CMTM2: variants seen among roughly 807,000 people sequenced by gnomAD.
The protein encoded by CMTM2 is CKLF-like MARVEL transmembrane domain-containing protein 2.
Under a neutral mutation model 16.8 loss-of-function variants are expected in CMTM2, and 15 were observed. That is an observed-to-expected ratio of 0.89 (90% confidence interval 0.60 to 1.37). CMTM2 has a LOEUF of 1.37. Among genes scored for constraint, CMTM2 ranks in the 40% most tolerant of loss-of-function variants. CMTM2 has a pLI of 0.00. For missense variants in CMTM2, 282 were observed against 318.0 expected, an observed-to-expected ratio of 0.89 and a Z score of 0.86; for synonymous variants, 117 against 118.7, an observed-to-expected ratio of 0.99 and a Z score of 0.09.
intron 2 of CMTM2, among the ~76,000 whole-genome samples, chr16:66,582,415 G>A (rs2014745995): frequency 6.6e-6 from 1 of 152,176 alleles, no homozygotes. Context: ...ATCAGTGGTT[G>A]TTGGGCTGGG....
chr16:66,579,512 G>A lies in CMTM2; in HGVS notation c.-96G>A. The A allele has an allele frequency of 6.7e-7, 1 of 1,494,040 alleles. No homozygotes were observed. Among genetic ancestry groups the A allele is most frequent in the African/African-American group, 1.4e-5 (1 of 72,042 alleles). 92.5% of individuals were successfully genotyped at this position (1,494,040 alleles called of 1,614,324 possible). On this transcript the variant is annotated 5_prime_UTR_variant, in exon 1 of 4. Coordinates refer to ENST00000268595, the MANE Select transcript of CMTM2 (RefSeq NM_144673.3). The surrounding 1 kb of genome is among the most constrained non-coding windows in gnomAD (Gnocchi z 6.5). ...GAGCACGCCCTCTGAGCCGCTCGGT[G>A]GACACCAGGCACTCTAGTAGGCCTG...
chr16:66,579,632 G>A lies in CMTM2; in HGVS notation c.25G>A (p.Ala9Thr), dbSNP rs757983632. 11 of 1,613,978 alleles carry A rather than the reference G, an allele frequency of 6.8e-6. No individual in the cohort carries two copies. The African/African-American group carries it at 1.1e-4, about 16-fold the overall frequency. ...CATGGCACCTAAGGCGGCAAAGGGGGCCAAGCCAGAGCCAGCACCAGCTCC... is the reference window on the plus strand; with the variant it reads ...CATGGCACCTAAGGCGGCAAAGGGGACCAAGCCAGAGCCAGCACCAGCTCC... MAPKAAKG[A>T]KPEPAPAPPP... Residue 9 changes from alanine to threonine, a missense_variant, in exon 1 of 4, where the codon GCC (alanine) becomes ACC (threonine). Ala to Thr is a moderately conservative substitution (Grantham distance 58). Transcript: ENST00000268595. This position sits in a 1 kb window ranked among gnomAD's most constrained non-coding sequence, Gnocchi z 6.5.
rs1013528492 is a variant in CMTM2, at chr16:66,580,158, A to G, written c.418A>G (p.Ile140Val). The G allele has an allele frequency of 1.2e-6, 2 of 1,614,186 alleles. No individual in the cohort carries two copies. Among genetic ancestry groups the G allele is most frequent in the South Asian group, 1.1e-5 (1 of 91,078 alleles). Residue 140 changes from isoleucine (I) to valine (V), a missense_variant, in exon 2 of 4, where the codon ATA becomes GTA. Ile to Val is a conservative substitution (Grantham distance 29). Coordinates refer to ENST00000268595, the MANE Select transcript of CMTM2 (RefSeq NM_144673.3). ...GTACAGCTTTGCCATTCATAGATAC[A>G]TACCCTTCATCCTGTGGCCCATTTC... ...LLYSFAIHRY[I>V]PFILWPISDL...
chr16:66,587,231 G>T (rs1453780940), intron 3 of CMTM2, 133 bp downstream of exon 3: 4 of 744,300 alleles, frequency 5.4e-6, no homozygotes, highest in Non-Finnish European at 9.1e-6. Flanking sequence ...AAGTTTAAAA[G>T]TTAAGTAGGC....
At chr16:66,587,295 C>T (rs926523685) in intron 3 of CMTM2, among the ~76,000 whole-genome samples, 197 bp downstream of exon 3, 1 of 152,008 alleles carries the variant, frequency 6.6e-6, no homozygotes, top group East Asian at 1.9e-4. Context: ...CCGAGGCGGG[C>T]GGATCACCTG....
intron 2 of CMTM2, among the ~76,000 whole-genome samples, chr16:66,586,059 G>A (rs1342865217): frequency 2.0e-5 from 3 of 152,146 alleles, no homozygotes; most frequent in Non-Finnish European, 4.4e-5. Flanking sequence ...AGGGAAATGC[G>A]TATATGGTAT....
chr16:66,582,963 T>C (rs1397128089), intron 2 of CMTM2, among the ~76,000 whole-genome samples: 1 of 152,220 alleles, frequency 6.6e-6, no homozygotes, highest in Non-Finnish European at 1.5e-5. Context: ...AGCATTTCCT[T>C]AGAGATGCTT....
intron 2 of CMTM2, among the ~76,000 whole-genome samples, chr16:66,586,484 A>C (rs183377104): frequency 6.6e-6 from 1 of 151,986 alleles, no homozygotes; most frequent in Non-Finnish European, 1.5e-5. Flanking sequence ...CTAAAAATAC[A>C]CACAAAAAAA....
At chr16:66,586,940 T>C in intron 2 of CMTM2, 57 bp from the exon 3 acceptor site, 1 of 1,192,584 alleles carries the variant, frequency 8.4e-7, no homozygotes, top group Non-Finnish European at 1.3e-6. Flanking sequence ...CAGGGTGCAG[T>C]GTTTGTTGAT....
In CMTM2 at chr16:66,588,130, GCTCCTGGTGT is replaced by G. The variant is rs1597193481; in HGVS notation, c.*14_*23del. ...AAGGGAAAGAAATGACTTGGAGGAG[GCTCCTGGTGT>G]CTGAAACGGCAGTGTATTTTACAGC... On this transcript the variant is annotated 3_prime_UTR_variant, in exon 4 of 4. Transcript: ENST00000268595. The G allele has an allele frequency of 1.9e-6, 3 of 1,611,502 alleles. No individual in the cohort carries two copies. The highest frequency in any genetic ancestry group is 1.7e-6 in the Non-Finnish European group (2 of 1,179,432).
intron 2 of CMTM2, among the ~76,000 whole-genome samples, chr16:66,583,197 AT>A (rs2014754403): frequency 2.0e-5 from 3 of 152,114 alleles, no homozygotes; most frequent in Admixed American, 1.3e-4. Flanking sequence ...AATGAGAAAC[AT>A]AGGATTTTTT....
At chr16:66,584,620 G>T (rs1399679172) in intron 2 of CMTM2, among the ~76,000 whole-genome samples, 3 of 152,102 alleles carry the variant, frequency 2.0e-5, no homozygotes, top group African/African-American at 4.8e-5. Flanking sequence ...CTAATACAGG[G>T]ATAGAAAAGA....
Position 66,587,036 on chromosome 16 carries a change from G to T in CMTM2, c.484G>T (p.Gly162Ter). 1 of 1,614,124 alleles carries T rather than the reference G, an allele frequency of 6.2e-7. No individual in the cohort carries two copies. The highest frequency in any genetic ancestry group is 1.7e-4 in the Middle Eastern group (1 of 6,060). The part of the protein sequence containing the change: ...NDLIACAFLV[G>*]AVVFAVRSRR... ...CCTGATTGCTTGTGCGTTCCTTGTG[G>T]GAGCCGTGGTCTTTGCTGTGAGAAG... is the stretch of plus-strand genomic sequence containing the variant. Residue 162 changes from glycine (G) to a stop codon, truncating the protein, a stop_gained, in exon 3 of 4, where the codon GGA (glycine) becomes TGA (stop). Coordinates refer to ENST00000268595, the MANE Select transcript of CMTM2 (RefSeq NM_144673.3). LOFTEE classifies it high-confidence loss of function.
At position 66,579,923 on chromosome 16, in the gene CMTM2, G is replaced by A. The variant is rs766689376; in HGVS notation, c.285+31G>A. On this transcript the variant is annotated intron_variant, in intron 1 of 3. Coordinates refer to ENST00000268595, the MANE Select transcript of CMTM2 (RefSeq NM_144673.3). The surrounding 1 kb of genome is among the most constrained non-coding windows in gnomAD (Gnocchi z 6.5). ...CTAAACTGGTATCCCTGGGTGGGGG[G>A]CCTTGGCCGAGGGTGGGGGGAAGGA... 3.1e-6 allele frequency: 5 copies of A among 1,602,872 alleles called. No individual in the cohort carries two copies. Among genetic ancestry groups the A allele is most frequent in the East Asian group, 4.5e-5 (2 of 44,766 alleles).
At chr16:66,587,864 A>G in intron 3 of CMTM2, 55 bp from the exon 4 acceptor site, 3 of 1,576,130 alleles carry the variant, frequency 1.9e-6, no homozygotes, top group South Asian at 2.2e-5. Context: ...CAGGAGGGAA[A>G]CTCACCACCT....
chr16:66,580,195 G>T lies in CMTM2; in HGVS notation c.444+11G>T, dbSNP rs748608792. On this transcript the variant is annotated intron_variant, in intron 2 of 3. Transcript: ENST00000268595. ...CTGTGGCCCATTTCTGTAAGTAAGG[G>T]GTGATGGGGAGTGCCTGCATCCAGA... is the stretch of plus-strand genomic sequence containing the variant. 6.2e-7 allele frequency: 1 copy of T among 1,613,910 alleles called. No individual in the cohort carries two copies. The highest frequency in any genetic ancestry group is 8.5e-7 in the Non-Finnish European group (1 of 1,179,858).
chr16:66,582,236 GA>G (rs1346314085), intron 2 of CMTM2, among the ~76,000 whole-genome samples: 1 of 152,108 alleles, frequency 6.6e-6, no homozygotes, highest in Non-Finnish European at 1.5e-5. Flanking sequence ...GTCTAGAATA[GA>G]AAATATAGTT....
Position 66,579,747 on chromosome 16 carries a change from A to G in CMTM2, c.140A>G (p.Glu47Gly). 6.2e-7 allele frequency: 1 copy of G among 1,614,134 alleles called. No individual in the cohort carries two copies. Among genetic ancestry groups the G allele is most frequent in the Non-Finnish European group, 8.5e-7 (1 of 1,180,026 alleles). ...CAAAAGGCGGTGCAGGACCATAAGG[A>G]GCCATCGGACAAACCTCAAAAGGCG... The part of the protein sequence containing the change: ...KPQKAVQDHK[E>G]PSDKPQKAVQ... Residue 47 changes from glutamate to glycine, a missense_variant, in exon 1 of 4, where the codon GAG becomes GGG. Glu to Gly is a moderately conservative substitution (Grantham distance 98). Transcript: ENST00000268595. This position sits in a 1 kb window ranked among gnomAD's most constrained non-coding sequence, Gnocchi z 6.5.
intron 2 of CMTM2, among the ~76,000 whole-genome samples, chr16:66,585,629 G>A (rs1358794562): frequency 1.3e-5 from 2 of 152,112 alleles, no homozygotes. Flanking sequence ...ATGAGGGACA[G>A]GAAAAGGGAA....
Sources: gnomAD v4.1 joint callset for allele counts (sites outside exome capture counted in the v4.1 genomes callset) on GRCh38, gnomAD v4.1.1 for gene constraint, Gnocchi (gnomAD v3.1) non-coding constraint, MANE v1.5 for transcripts, NCBI Gene and HGNC (gene_info 2026-07-23, HGNC 2026-07-21) for gene names.